Variants in SUSD4 observed in about 807,000 individuals in gnomAD.
SUSD4 encodes sushi domain-containing protein 4.
SUSD4 carries 41 observed loss-of-function variants against 50.5 expected under a neutral mutation model. The ratio of observed to expected loss-of-function variants is 0.81; its 90% confidence interval spans 0.63 to 1.05. SUSD4 has a LOEUF of 1.05. Among genes scored for constraint, SUSD4 ranks in the 50% least tolerant of loss-of-function variants. The pLI is 0.00. For synonymous variants in SUSD4, 257 were observed against 257.3 expected (o/e 1.00, Z 0.01); for missense variants, 580 against 634.7 (o/e 0.91, Z 0.93).
At chr1:223,284,310 G>A (rs976056914) in intron 3 of SUSD4, among the ~76,000 whole-genome samples, 3 of 152,158 alleles carry the variant, frequency 2.0e-5, no homozygotes, top group African/African-American at 7.2e-5. Context: ...ATGGGCCTGG[G>A]GCCATTATAA....
In SUSD4 at chr1:223,244,672, T is replaced by G. The variant is rs1275040759; in HGVS notation, c.725-15284A>C. ...TGACTAAAATCTGCTTGAGTCTTGG[T>G]GTAGGCTCAGGTGTTGTTTTCTGAT... is the stretch of plus-strand genomic sequence containing the variant. On this transcript the variant is annotated intron_variant, in intron 5 of 8. Coordinates refer to ENST00000366878, the MANE Select transcript of SUSD4 (RefSeq NM_017982.4). Among the ~76,000 whole-genome samples the G allele has an allele frequency of 2.6e-5, 4 of 151,968 alleles. No homozygotes were observed. The East Asian group carries it at 5.8e-4, about 22-fold the overall frequency.
intron 2 of SUSD4, among the ~76,000 whole-genome samples, chr1:223,313,915 C>A (rs191482380): frequency 1.3e-5 from 2 of 152,250 alleles, no homozygotes; most frequent in East Asian, 1.9e-4. Flanking sequence ...AGGAGAGGAA[C>A]CCTCAGTTCC....
chr1:223,312,355 C>A (rs1482353088), intron 2 of SUSD4, among the ~76,000 whole-genome samples: 1 of 152,032 alleles, frequency 6.6e-6, no homozygotes, highest in East Asian at 1.9e-4. Flanking sequence ...CTCTGCAGGA[C>A]AGAAAAAAAG....
chr1:223,290,777 C>T (rs941198034), intron 3 of SUSD4, among the ~76,000 whole-genome samples: 2 of 151,946 alleles, frequency 1.3e-5, no homozygotes, highest in African/African-American at 2.4e-5. Context: ...GCCATGACTA[C>T]GTAGTACCTA....
intron 2 of SUSD4, among the ~76,000 whole-genome samples, chr1:223,342,371 A>G (rs936214441): frequency 8.5e-5 from 13 of 152,236 alleles, no homozygotes; most frequent in Non-Finnish European, 1.9e-4. Flanking sequence ...TATTGAATAG[A>G]TGTCCCTTCT....
At chr1:223,288,721 T>C (rs1386910670) in intron 3 of SUSD4, among the ~76,000 whole-genome samples, 2 of 152,240 alleles carry the variant, frequency 1.3e-5, no homozygotes, top group Non-Finnish European at 2.9e-5. Flanking sequence ...CAAGGGTTGA[T>C]TCTTCTCTCC....
chr1:223,268,021 A>ATATATATATATATATG (rs1662626493), intron 4 of SUSD4, among the ~76,000 whole-genome samples: 1 of 80,940 alleles, frequency 1.2e-5, no homozygotes, highest in Non-Finnish European at 2.9e-5. Flanking sequence ...TTTTATATAT[A>ATATATATATATATATG]TATATATATA....
intron 2 of SUSD4, among the ~76,000 whole-genome samples, chr1:223,297,439 C>T (rs951749520): frequency 1.2e-4 from 19 of 152,134 alleles, no homozygotes; most frequent in South Asian, 4.2e-4. Flanking sequence ...GGACAAGTGA[C>T]GGAGAGACAG....
chr1:223,324,334 G>A (rs1666751776), intron 2 of SUSD4, among the ~76,000 whole-genome samples: 1 of 151,610 alleles, frequency 6.6e-6, no homozygotes, highest in Admixed American at 6.6e-5. Flanking sequence ...GCCATTGGGT[G>A]TATGGGCAAA....
At chr1:223,289,146 G>A (rs1236604564) in intron 3 of SUSD4, 5 of 985,248 alleles carry the variant, frequency 5.1e-6, no homozygotes, top group South Asian at 4.7e-5. Flanking sequence ...CTGCGCCCAC[G>A]GGGTGTATTT....
intron 2 of SUSD4, 140 bp downstream of exon 2, chr1:223,363,138 G>A: frequency 9.4e-7 from 1 of 1,065,648 alleles, no homozygotes; most frequent in Non-Finnish European, 1.2e-6. Context: ...GCCATAGGCT[G>A]GGACGCAGGC....
intron 7 of SUSD4, 142 bp from the exon 8 acceptor site, chr1:223,223,773 A>T (rs1244979179): frequency 9.2e-7 from 1 of 1,082,824 alleles, no homozygotes; most frequent in Admixed American, 3.2e-5. Flanking sequence ...TGGAAGAACC[A>T]GCCTCCTTTC....
At chr1:223,268,467 T>C (rs773175530) in intron 4 of SUSD4, 35 bp downstream of exon 4, 27 of 1,587,354 alleles carry the variant, frequency 1.7e-5, no homozygotes, top group Non-Finnish European at 2.2e-5. Context: ...GAGAGAATAA[T>C]AGCCCAGCTG....
chr1:223,255,475 CA>C (rs1412560893), intron 5 of SUSD4, among the ~76,000 whole-genome samples: 1 of 152,152 alleles, frequency 6.6e-6, no homozygotes, highest in Non-Finnish European at 1.5e-5. Flanking sequence ...TTCACGCCAG[CA>C]AACTCTTCCT....
At chr1:223,250,603 A>T (rs1426374137) in intron 5 of SUSD4, among the ~76,000 whole-genome samples, 1 of 152,198 alleles carries the variant, frequency 6.6e-6, no homozygotes, top group Admixed American at 6.5e-5. Flanking sequence ...TGAACACAGG[A>T]GAAAGGGAGC....
chr1:223,226,682 G>A (rs1357276394), intron 7 of SUSD4, among the ~76,000 whole-genome samples: 1 of 152,150 alleles, frequency 6.6e-6, no homozygotes, highest in Non-Finnish European at 1.5e-5. Flanking sequence ...TATGACTCTG[G>A]GGACTAGGCT....
intron 2 of SUSD4, among the ~76,000 whole-genome samples, chr1:223,312,662 T>C (rs892004652): frequency 1.3e-4 from 20 of 152,334 alleles, no homozygotes; most frequent in African/African-American, 4.8e-4. Context: ...ATGACCTGGA[T>C]ACCTGGATTG....
chr1:223,236,629 T>A lies in SUSD4; in HGVS notation c.725-7241A>T, dbSNP rs76840728. ...AAAGTCTGTCTTTGTTCCATTATAT[T>A]GCCTTTGATCCTGTGCCAAATATCA... On this transcript the variant is annotated intron_variant, in intron 5 of 8. Transcript: ENST00000366878. 2.2e-3 allele frequency among the ~76,000 whole-genome samples: 338 copies of A among 152,214 alleles called. 1 individual carries two copies. The highest frequency in any genetic ancestry group is 7.9e-3 in the African/African-American group (327 of 41,574).
chr1:223,322,684 G>C (rs1182307455), intron 2 of SUSD4, among the ~76,000 whole-genome samples: 1 of 152,156 alleles, frequency 6.6e-6, no homozygotes, highest in African/African-American at 2.4e-5. Flanking sequence ...GTACGTGTGT[G>C]TGTGCATATG....
Sources: gnomAD v4.1 joint callset for allele counts (sites outside exome capture counted in the v4.1 genomes callset) on GRCh38, gnomAD v4.1.1 for gene constraint, MANE v1.5 for transcripts, NCBI Gene and HGNC (gene_info 2026-07-23, HGNC 2026-07-21) for gene names.